PRR23E: variants seen among roughly 807,000 people sequenced by gnomAD.
PRR23E encodes the protein proline-rich protein 23E.
chr3:127,194,933 G>T, the PRR23E span, among the ~76,000 whole-genome samples: 1 of 152,092 alleles, frequency 6.6e-6, no homozygotes, highest in African/African-American at 2.4e-5. Context: ...AGCCACACAG[G>T]GCCCTCTGCC....
chr3:127,196,973 C>T, the PRR23E span: 6 of 1,599,466 alleles, frequency 3.8e-6, no homozygotes, highest in African/African-American at 2.7e-5. Context: ...CTCCAGCTGC[C>T]TTGGTGCCTT....
the PRR23E span, among the ~76,000 whole-genome samples, chr3:127,194,485 A>G: frequency 6.6e-6 from 1 of 152,234 alleles, no homozygotes; most frequent in Non-Finnish European, 1.5e-5. Context: ...GGCCAGAAGT[A>G]CATACGATGT....
At chr3:127,194,911 G>A in the PRR23E span, among the ~76,000 whole-genome samples, 2 of 152,188 alleles carry the variant, frequency 1.3e-5, no homozygotes, top group African/African-American at 4.8e-5. Flanking sequence ...GGGAGGAAAT[G>A]AATGCTTCTT....
chr3:127,194,661 G>T, the PRR23E span, among the ~76,000 whole-genome samples: 2 of 152,142 alleles, frequency 1.3e-5, no homozygotes, highest in African/African-American at 4.8e-5. Context: ...GCAGTCTGGG[G>T]CCAGGGTGTC....
the PRR23E span, among the ~76,000 whole-genome samples, chr3:127,195,341 C>A: frequency 6.6e-6 from 1 of 152,118 alleles, no homozygotes; most frequent in South Asian, 2.1e-4. Context: ...TAGAGAGGCT[C>A]CTGAAACACA....
the PRR23E span, among the ~76,000 whole-genome samples, chr3:127,195,730 G>A: frequency 5.9e-5 from 9 of 152,124 alleles, no homozygotes; most frequent in African/African-American, 1.7e-4. Flanking sequence ...ACCAGCCTCC[G>A]CTCCTTGATG....
the PRR23E span, among the ~76,000 whole-genome samples, chr3:127,194,754 G>A: frequency 6.6e-6 from 1 of 152,120 alleles, no homozygotes; most frequent in Non-Finnish European, 1.5e-5. Flanking sequence ...TCCTCCTACT[G>A]GTCCTCAGCT....
the PRR23E span, chr3:127,196,684 A>C: frequency 3.2e-6 from 5 of 1,585,840 alleles, no homozygotes; most frequent in Non-Finnish European, 4.3e-6. Flanking sequence ...AGCTCATCTA[A>C]GATGGGCACA....
chr3:127,195,224 A>C, the PRR23E span, among the ~76,000 whole-genome samples: 1 of 152,154 alleles, frequency 6.6e-6, no homozygotes, highest in African/African-American at 2.4e-5. Context: ...CAGTTGCTCA[A>C]GACAGAAACT....
chr3:127,197,481 G>T, the PRR23E span: 4 of 1,379,966 alleles, frequency 2.9e-6, no homozygotes, highest in Non-Finnish European at 3.8e-6. Flanking sequence ...GCCAGCTGTG[G>T]ACTTTAAGTT....
the PRR23E span, chr3:127,197,323 C>A: frequency 6.3e-7 from 1 of 1,597,954 alleles, no homozygotes; most frequent in African/African-American, 1.3e-5. Context: ...CTGCCCCCTT[C>A]CCCCATTGAA....
chr3:127,196,743 G>T, the PRR23E span: 1 of 1,595,382 alleles, frequency 6.3e-7, no homozygotes, highest in Non-Finnish European at 8.5e-7. Context: ...TGCCTTCGAG[G>T]CCTCCGAGGA....
the PRR23E span, chr3:127,198,080 T>C: frequency 6.6e-6 from 1 of 152,214 alleles, no homozygotes; most frequent in Non-Finnish European, 1.5e-5. Context: ...GGGTGTGCTC[T>C]TCTCACTCCT....
At chr3:127,193,174 G>C in the PRR23E span, 2 of 152,276 alleles carry the variant, frequency 1.3e-5, no homozygotes, top group African/African-American at 4.8e-5. Flanking sequence ...GTAACGCCTA[G>C]GGAGCCCCAA....
At chr3:127,195,833 T>G in the PRR23E span, among the ~76,000 whole-genome samples, 1 of 152,212 alleles carries the variant, frequency 6.6e-6, no homozygotes, top group Non-Finnish European at 1.5e-5. Flanking sequence ...AAGCATGTAC[T>G]GCGCATCAGT....
At chr3:127,196,582 A>C in the PRR23E span, 1 of 1,430,816 alleles carries the variant, frequency 7.0e-7, no homozygotes, top group Non-Finnish European at 9.1e-7. Context: ...CTGTCTGCTC[A>C]CCCCACAGAT....
At chr3:127,196,567 A>G in the PRR23E span, 1 of 1,420,054 alleles carries the variant, frequency 7.0e-7, no homozygotes, top group South Asian at 1.6e-5. Context: ...CTGCCCTCTG[A>G]CTGGCTGTCT....
chr3:127,197,392 G>A, the PRR23E span: 109 of 1,555,766 alleles, frequency 7.0e-5, 2 homozygotes, highest in South Asian at 8.4e-4. Flanking sequence ...TGCAGGGCCC[G>A]CCGCCGCCTC....
chr3:127,197,362 G>A, the PRR23E span: 18 of 1,583,590 alleles, frequency 1.1e-5, no homozygotes, highest in Admixed American at 6.8e-5. Flanking sequence ...GGCTGCTCCC[G>A]CTCCTCCTCC....
Sources: allele counts gnomAD v4.1 joint callset (sites outside exome capture counted in the v4.1 genomes callset), GRCh38; gene constraint gnomAD v4.1.1; transcripts MANE v1.5; gene names NCBI Gene and HGNC (gene_info 2026-07-23, HGNC 2026-07-21).